SYT14: variants seen among roughly 807,000 people sequenced by gnomAD.
SYT14 encodes the protein synaptotagmin 14, also known as synaptotagmin-14.
SYT14 carries 32 observed loss-of-function variants against 74.2 expected under a neutral mutation model. That is an observed-to-expected ratio of 0.43 (90% CI 0.33 to 0.58). The LOEUF is 0.58. SYT14 is among the 20% of genes least tolerant of loss of function. SYT14 has a pLI of 0.05. For synonymous variants in SYT14, 298 were observed against 337.7 expected (o/e 0.88, Z 1.29); for missense variants, 791 against 981.8 (o/e 0.81, Z 2.60).
intron 5 of SYT14, among the ~76,000 whole-genome samples, chr1:210,027,642 A>G (rs2080443473): frequency 6.6e-6 from 1 of 152,072 alleles, no homozygotes; most frequent in African/African-American, 2.4e-5. Flanking sequence ...ATACATGTTT[A>G]TTTAGATTTT....
intron 7 of SYT14, among the ~76,000 whole-genome samples, chr1:210,119,173 A>C (rs577848762): frequency 2.0e-4 from 30 of 152,208 alleles, no homozygotes; most frequent in Non-Finnish European, 4.4e-5. Context: ...AGCAGTAGTG[A>C]GGATATTTCT....
chr1:210,143,031 C>T (rs2102677054), intron 7 of SYT14, among the ~76,000 whole-genome samples: 1 of 152,276 alleles, frequency 6.6e-6, no homozygotes, highest in East Asian at 1.9e-4. Flanking sequence ...CTACTCCTAG[C>T]TCTTTTGATT....
chr1:210,125,995 GA>G, intron 7 of SYT14, among the ~76,000 whole-genome samples: 1 of 152,224 alleles, frequency 6.6e-6, no homozygotes, highest in South Asian at 2.1e-4. Flanking sequence ...AGGAGGTCAG[GA>G]GATCGAGATC....
intron 7 of SYT14, among the ~76,000 whole-genome samples, chr1:210,104,515 C>A (rs1363614625): frequency 2.0e-5 from 3 of 152,070 alleles, no homozygotes; most frequent in Non-Finnish European, 2.9e-5. Context: ...GGCATATATC[C>A]CTCTCATAAT....
At chr1:210,127,238 G>A (rs1261774841) in intron 7 of SYT14, among the ~76,000 whole-genome samples, 1 of 152,170 alleles carries the variant, frequency 6.6e-6, no homozygotes, top group East Asian at 1.9e-4. Flanking sequence ...TGGATAATGA[G>A]GTAGACATAT....
chr1:209,997,183 T>C (rs1354880255), intron 2 of SYT14, among the ~76,000 whole-genome samples: 1 of 151,928 alleles, frequency 6.6e-6, no homozygotes, highest in Admixed American at 6.6e-5. Flanking sequence ...GTCAAATGGC[T>C]TCTTTTTGCT....
intron 5 of SYT14, among the ~76,000 whole-genome samples, chr1:210,049,725 C>T (rs959559595): frequency 5.9e-5 from 9 of 152,260 alleles, no homozygotes; most frequent in South Asian, 4.1e-4. Flanking sequence ...TCTTGACTTC[C>T]GTGTACTCAC....
rs1392643692 is a variant in SYT14, at chr1:210,017,194, C to G, written c.1096+95C>G. ...ATCCAAATTTCTCAGCTTTCCTGTTCATGTGTCTATATTTAAGACTTTCTT... is the reference window on the plus strand; with the variant it reads ...ATCCAAATTTCTCAGCTTTCCTGTTGATGTGTCTATATTTAAGACTTTCTT... On this transcript the variant is annotated intron_variant, in intron 4 of 9. Coordinates refer to ENST00000637265, the Ensembl canonical transcript of SYT14. 4.8e-6 allele frequency: 4 copies of G among 841,710 alleles called. No homozygotes were observed. The African/African-American group carries it at 7.1e-5, about 15-fold the overall frequency. 52.1% of individuals were successfully genotyped at this position (841,710 alleles called of 1,614,324 possible). A position where few individuals can be genotyped will look rare whatever the true frequency, so the allele number is the denominator to read the frequency against.
intron 2 of SYT14, among the ~76,000 whole-genome samples, chr1:209,971,495 A>C (rs1275213822): frequency 2.6e-5 from 4 of 152,152 alleles, no homozygotes; most frequent in African/African-American, 9.7e-5. Context: ...GCTTTTGTCC[A>C]GTCAGTATAA....
chr1:210,097,667 TTAA>T (rs1447865409), intron 6 of SYT14, among the ~76,000 whole-genome samples: 1 of 152,188 alleles, frequency 6.6e-6, no homozygotes, highest in Non-Finnish European at 1.5e-5. Context: ...AGCCATATAA[TTAA>T]TAATCTTTAA....
intron 7 of SYT14, among the ~76,000 whole-genome samples, chr1:210,107,773 A>G (rs923214277): frequency 1.3e-5 from 2 of 152,196 alleles, no homozygotes; most frequent in Non-Finnish European, 2.9e-5. Context: ...CTATTTTTAT[A>G]AAAGTATTTC....
intron 2 of SYT14, among the ~76,000 whole-genome samples, chr1:210,011,265 A>G (rs1052317673): frequency 4.6e-5 from 7 of 152,150 alleles, no homozygotes; most frequent in Non-Finnish European, 8.8e-5. Context: ...GTTGATGATA[A>G]TTACTCTGTT....
chr1:210,123,645 T>C (rs1327693455), intron 7 of SYT14, among the ~76,000 whole-genome samples: 1 of 152,132 alleles, frequency 6.6e-6, no homozygotes, highest in African/African-American at 2.4e-5. Context: ...CCCAGGGAAA[T>C]TGCCTTATCT....
intron 5 of SYT14, among the ~76,000 whole-genome samples, chr1:210,039,887 C>G (rs1432977517): frequency 1.3e-5 from 2 of 152,064 alleles, no homozygotes; most frequent in Non-Finnish European, 2.9e-5. Context: ...ACAACAGATG[C>G]TGGAGAGGTT....
chr1:210,120,370 T>TC, intron 7 of SYT14, among the ~76,000 whole-genome samples: 1 of 144,460 alleles, frequency 6.9e-6, no homozygotes, highest in East Asian at 2.1e-4. Context: ...TTGCTGTTTT[T>TC]TTTTTTTTTG....
At chr1:209,995,527 G>GT (rs1187457104) in intron 2 of SYT14, among the ~76,000 whole-genome samples, 1 of 151,994 alleles carries the variant, frequency 6.6e-6, no homozygotes, top group African/African-American at 2.4e-5. Context: ...AGACAACCAC[G>GT]TAATAATAGG....
intron 5 of SYT14, among the ~76,000 whole-genome samples, chr1:210,075,054 T>C (rs1292610885): frequency 6.6e-6 from 1 of 152,178 alleles, no homozygotes; most frequent in Non-Finnish European, 1.5e-5. Context: ...TCTCAGCAGA[T>C]GGGATAGCCA....
chr1:209,976,081 G>T (rs1174837569), intron 2 of SYT14, among the ~76,000 whole-genome samples: 3 of 152,000 alleles, frequency 2.0e-5, no homozygotes, highest in South Asian at 4.2e-4. Flanking sequence ...GCATCTATTT[G>T]ATTCTTCTCT....
chr1:209,972,794 G>C (rs895839835), intron 2 of SYT14, among the ~76,000 whole-genome samples: 2 of 152,128 alleles, frequency 1.3e-5, no homozygotes, highest in Non-Finnish European at 2.9e-5. Flanking sequence ...AGTGTGTTCT[G>C]TGTGCAAACA....
Sources: gnomAD v4.1 joint callset for allele counts (sites outside exome capture counted in the v4.1 genomes callset) on GRCh38, gnomAD v4.1.1 for gene constraint, MANE v1.5 for transcripts, NCBI Gene and HGNC (gene_info 2026-07-23, HGNC 2026-07-21) for gene names.